EXD3: variants seen among roughly 807,000 people sequenced by gnomAD.
EXD3 encodes the protein exonuclease mut-7 homolog.
EXD3 carries 92 observed loss-of-function variants against 98.0 expected under a neutral mutation model. That is an observed-to-expected ratio of 0.94 (90% CI 0.79 to 1.12). EXD3 has a LOEUF of 1.12. EXD3 is among the 50% of genes most tolerant of loss of function. The pLI, the probability that EXD3 is intolerant of heterozygous loss-of-function variation, is 0.00. For missense variants in EXD3, 1,222 were observed against 1,191.6 expected, an observed-to-expected ratio of 1.03 and a Z score of -0.38; for synonymous variants, 569 against 526.0, an observed-to-expected ratio of 1.08 and a Z score of -1.12.
At chr9:137,352,905 G>T in intron 10 of EXD3, 119 bp from the exon 11 acceptor site, 1 of 1,445,466 alleles carries the variant, frequency 6.9e-7, no homozygotes, top group Non-Finnish European at 9.1e-7. Context: ...TCGGGGAGGA[G>T]GGGCAGCCGT....
At chr9:137,369,620 AG>A (rs76875664) in intron 5 of EXD3, among the ~76,000 whole-genome samples, 150,696 of 152,204 alleles carry the variant, frequency 0.99, 74,594 homozygotes, top group Middle Eastern at 1. Flanking sequence ...CCTCCCTCCG[AG>A]GGACAGACTT....
intron 2 of EXD3, chr9:137,391,719 CAAGG>C (rs1475270609): frequency 6.6e-6 from 1 of 152,280 alleles, no homozygotes; most frequent in African/African-American, 2.4e-5. Context: ...CTGAATTTCC[CAAGG>C]AAGGCTCAAG....
At chr9:137,372,480 G>A (rs535028105) in intron 5 of EXD3, among the ~76,000 whole-genome samples, 1 of 152,362 alleles carries the variant, frequency 6.6e-6, no homozygotes, top group Admixed American at 6.5e-5. Flanking sequence ...AGTGCCCAGT[G>A]CCCAGGAGGC....
At chr9:137,334,219 C>G (rs1833241676) in intron 17 of EXD3, among the ~76,000 whole-genome samples, 1 of 152,186 alleles carries the variant, frequency 6.6e-6, no homozygotes, top group Non-Finnish European at 1.5e-5. Flanking sequence ...CCGGGCTGGT[C>G]TCGAACGCCC....
chr9:137,367,729 G>C (rs1255368234), intron 6 of EXD3: 1 of 544,210 alleles, frequency 1.8e-6, no homozygotes, highest in Non-Finnish European at 3.3e-6. Context: ...CACGGGGTTC[G>C]TGTACGTGCG....
chr9:137,359,869 G>A lies in EXD3; in HGVS notation c.657-3501C>T, dbSNP rs1230575201. Reference sequence around the variant, plus strand: ...ATGATGATTAAGCTGCCATGACTGCGATCTTTTGTGGATAATGAGCTCATT... The same window carrying A: ...ATGATGATTAAGCTGCCATGACTGCAATCTTTTGTGGATAATGAGCTCATT... On this transcript the variant is annotated intron_variant, in intron 7 of 21. Coordinates refer to ENST00000340951, the MANE Select transcript of EXD3 (RefSeq NM_017820.5). 2.3e-5 allele frequency among the ~76,000 whole-genome samples: 2 copies of A among 86,318 alleles called. 1 individual carries two copies. The highest frequency in any genetic ancestry group is 5.7e-5 in the Non-Finnish European group (2 of 35,136). The allele number at this position is 86,318 out of a possible 152,430, so 56.6% of individuals were successfully genotyped here.
chr9:137,350,993 C>T (rs1481260768), intron 14 of EXD3, 45 bp downstream of exon 14: 4 of 1,522,714 alleles, frequency 2.6e-6, no homozygotes, highest in African/African-American at 2.8e-5. Context: ...GCCCTCGAAC[C>T]CCAGGCCCAC....
intron 17 of EXD3, among the ~76,000 whole-genome samples, chr9:137,345,211 G>A (rs1208763167): frequency 1.3e-5 from 2 of 152,252 alleles, no homozygotes; most frequent in Admixed American, 6.5e-5. Context: ...CTGGGCTCTC[G>A]CCCGGAATGC....
At chr9:137,417,453 A>G (rs1838290945) in intron 1 of EXD3, among the ~76,000 whole-genome samples, 1 of 152,144 alleles carries the variant, frequency 6.6e-6, no homozygotes, top group Admixed American at 6.5e-5. Context: ...GCACGGAGCC[A>G]ACGGCGCGAG....
chr9:137,328,620 GACTACAC>G (rs1832655510), intron 17 of EXD3, among the ~76,000 whole-genome samples: 6 of 86,958 alleles, frequency 6.9e-5, no homozygotes, highest in South Asian at 4.1e-4. Context: ...GGCTACACGG[GACTACAC>G]GGGACTACAC....
chr9:137,351,930 C>G, intron 12 of EXD3, 136 bp downstream of exon 12: 2 of 1,165,618 alleles, frequency 1.7e-6, no homozygotes, highest in Non-Finnish European at 2.4e-6. Flanking sequence ...GCTGCCCTCA[C>G]AGCAGCCCTG....
At chr9:137,334,653 C>A (rs562931765) in intron 17 of EXD3, among the ~76,000 whole-genome samples, 1 of 152,296 alleles carries the variant, frequency 6.6e-6, no homozygotes, top group East Asian at 1.9e-4. Flanking sequence ...TAGGAAAGCT[C>A]TTCTGCACAT....
chr9:137,416,320 G>A (rs1382292313), intron 1 of EXD3, among the ~76,000 whole-genome samples: 1 of 152,232 alleles, frequency 6.6e-6, no homozygotes, highest in East Asian at 1.9e-4. Context: ...GGACAAAGGG[G>A]CGGACTTGGG....
intron 12 of EXD3, 58 bp from the exon 13 acceptor site, chr9:137,351,586 A>C: frequency 6.6e-7 from 1 of 1,504,328 alleles, no homozygotes; most frequent in Non-Finnish European, 9.0e-7. Flanking sequence ...TGCAGGGACC[A>C]CAGCCTGGAG....
intron 3 of EXD3, among the ~76,000 whole-genome samples, chr9:137,376,719 C>T (rs1041148278): frequency 1.3e-5 from 2 of 152,042 alleles, no homozygotes; most frequent in African/African-American, 2.4e-5. Context: ...CAACTGAGGT[C>T]GGGAGTTGGA....
intron 17 of EXD3, among the ~76,000 whole-genome samples, chr9:137,338,984 G>A (rs183369290): frequency 7.2e-5 from 11 of 151,900 alleles, no homozygotes; most frequent in African/African-American, 2.7e-4. Context: ...AAAAGAGAGG[G>A]AACCCAGCTG....
chr9:137,342,817 A>C (rs1272869111), intron 17 of EXD3, among the ~76,000 whole-genome samples: 1 of 152,162 alleles, frequency 6.6e-6, no homozygotes, highest in Non-Finnish European at 1.5e-5. Context: ...AAGATGCTCA[A>C]CTTCATCAAG....
Position 137,403,686 on chromosome 9 carries a change from A to T in EXD3, c.-47-8282T>A, listed in dbSNP as rs1221936975. 6.6e-6 allele frequency among the ~76,000 whole-genome samples: 1 copy of T among 152,210 alleles called. No individual in the cohort carries two copies. The highest frequency in any genetic ancestry group is 6.5e-5 in the Admixed American group (1 of 15,288). On this transcript the variant is annotated intron_variant, in intron 1 of 21. Coordinates refer to ENST00000340951, the MANE Select transcript of EXD3 (RefSeq NM_017820.5). This position sits in a 1 kb window ranked among gnomAD's most constrained non-coding sequence, Gnocchi z 6.1. ...AGATGGACCAGCAGGCCCGAGATCC[A>T]GGGTCTTAGGGCTCCTCCCAGCAGG...
At position 137,376,652 on chromosome 9, in the gene EXD3, G is replaced by A. The variant is rs181241911; in HGVS notation, c.121-3053C>T. Among the ~76,000 whole-genome samples, 1,088 of 152,100 alleles carry A rather than the reference G, an allele frequency of 7.2e-3. 7 individuals are homozygous for A. Among genetic ancestry groups the A allele is most frequent in the Non-Finnish European group, 0.011 (770 of 67,996 alleles). ...CCTTTTAAAAATGCCTCTTTTGGCC[G>A]GGGATGGTGGTTCACGCCTGTAATC... On this transcript the variant is annotated intron_variant, in intron 3 of 21. Coordinates refer to ENST00000340951, the MANE Select transcript of EXD3 (RefSeq NM_017820.5).
Sources: gnomAD v4.1 joint callset for allele counts (sites outside exome capture counted in the v4.1 genomes callset) on GRCh38, gnomAD v4.1.1 for gene constraint, Gnocchi (gnomAD v3.1) non-coding constraint, MANE v1.5 for transcripts, NCBI Gene and HGNC (gene_info 2026-07-23, HGNC 2026-07-21) for gene names.